The following HDLBP variants were observed in gnomAD, a reference collection of about 807,000 sequenced individuals.
HDLBP encodes the protein vigilin.
HDLBP carries 30 observed loss-of-function variants against 137.3 expected under a neutral mutation model. That is an observed-to-expected ratio of 0.22 (90% CI 0.16 to 0.30). The LOEUF is 0.30. Ranked by LOEUF, HDLBP falls within the 10% of genes least tolerant of loss-of-function variation. The pLI is 1.00. For missense variants in HDLBP, 1,119 were observed against 1,667.3 expected, an observed-to-expected ratio of 0.67 and a Z score of 5.73; for synonymous variants, 606 against 596.0, an observed-to-expected ratio of 1.02 and a Z score of -0.24.
Position 241,272,853 on chromosome 2 carries a change from G to T in HDLBP, c.-102-4312C>A, listed in dbSNP as rs923056846. 3.3e-6 allele frequency: 1 copy of T among 306,286 alleles called. No individual in the cohort carries two copies. The highest frequency in any genetic ancestry group is 2.3e-5 in the African/African-American group (1 of 44,104). 19.0% of individuals were successfully genotyped at this position (306,286 alleles called of 1,614,324 possible). A position where few individuals can be genotyped will look rare whatever the true frequency, so the allele number is the denominator to read the frequency against. ...CTCCGAGGCGCGGCGCCCGGGCCCC[G>T]GCTGCTATATAGGGCGGCGGCCCAA... On this transcript the variant is annotated intron_variant, in intron 1 of 27. Coordinates refer to ENST00000310931, the MANE Select transcript of HDLBP (RefSeq NM_005336.6). This position sits in a 1 kb window ranked among gnomAD's most constrained non-coding sequence, Gnocchi z 5.6.
chr2:241,237,759 A>T (rs1354634712), intron 20 of HDLBP, among the ~76,000 whole-genome samples: 1 of 152,246 alleles, frequency 6.6e-6, no homozygotes, highest in East Asian at 1.9e-4. Flanking sequence ...TGAGAAAAGA[A>T]ACTGGTGCCA....
rs529016379 is a variant in HDLBP at position 241,293,235 on chromosome 2, A to G, written c.-103+22335T>C. Among the ~76,000 whole-genome samples the G allele has an allele frequency of 8.5e-5, 13 of 152,236 alleles. No individual in the cohort carries two copies. The East Asian group carries it at 2.5e-3, about 29-fold the overall frequency. ...ACCAGGTGCAGTGTCTCAAACCTGTAATCTCAGCACTTTAGGATCACTTAA... is the reference window on the plus strand; with the variant it reads ...ACCAGGTGCAGTGTCTCAAACCTGTGATCTCAGCACTTTAGGATCACTTAA... On this transcript the variant is annotated intron_variant, in intron 1 of 27. Coordinates refer to ENST00000310931, the MANE Select transcript of HDLBP (RefSeq NM_005336.6).
Position 241,238,527 on chromosome 2 carries a change from G to T in HDLBP, c.2749+122C>A. ...GACCCTGAACCTCTGGAAGCCCCCA[G>T]AATACATAGATGGTTTTCCAGCAGA... On this transcript the variant is annotated intron_variant, in intron 20 of 27. Coordinates refer to ENST00000310931, the MANE Select transcript of HDLBP (RefSeq NM_005336.6). This position sits in a 1 kb window ranked among gnomAD's most constrained non-coding sequence, Gnocchi z 4.9. 1.3e-6 allele frequency: 1 copy of T among 783,838 alleles called. No homozygotes were observed. The highest frequency in any genetic ancestry group is 1.9e-6 in the Non-Finnish European group (1 of 520,452). The allele number at this position is 783,838 out of a possible 1,614,324, so 48.6% of individuals were successfully genotyped here.
chr2:241,303,166 C>A (rs569798594), intron 1 of HDLBP, among the ~76,000 whole-genome samples: 1 of 152,222 alleles, frequency 6.6e-6, no homozygotes, highest in Admixed American at 6.5e-5. Flanking sequence ...AGCATTTGGT[C>A]CAGCCAGCCA....
chr2:241,245,447 G>A (rs1271939603), intron 16 of HDLBP, among the ~76,000 whole-genome samples: 2 of 152,114 alleles, frequency 1.3e-5, no homozygotes, highest in African/African-American at 2.4e-5. Context: ...CCAAAGTGCT[G>A]GGATTAGTAG....
At position 241,228,173 on chromosome 2, in the gene HDLBP, T is replaced by G; in HGVS notation, c.*1428A>C. On this transcript the variant is annotated 3_prime_UTR_variant, in exon 28 of 28. Transcript: ENST00000310931. ...GGGCTGTGAGATGGATGGGCGTGAGTCAGCTTTTCCAAAACTCAAGTACCT... is the reference window on the plus strand; with the variant it reads ...GGGCTGTGAGATGGATGGGCGTGAGGCAGCTTTTCCAAAACTCAAGTACCT... The G allele has an allele frequency of 6.6e-6, 1 of 152,204 alleles. No individual in the cohort carries two copies. 9.4% of individuals were successfully genotyped at this position (152,204 alleles called of 1,614,324 possible).
chr2:241,247,145 T>TA lies in HDLBP; in HGVS notation c.1732-4dup. On this transcript the variant is annotated splice_polypyrimidine_tract_variant and splice_region_variant and intron_variant, in intron 14 of 27. Coordinates refer to ENST00000310931, the MANE Select transcript of HDLBP (RefSeq NM_005336.6). ...GAAATTGAATAGCTATTTTCCACCT[T>TA]AAAGACAAAAAACACAGCCCGATTC... 3 of 1,598,528 alleles carry TA rather than the reference T, an allele frequency of 1.9e-6. No individual in the cohort carries two copies. The highest frequency in any genetic ancestry group is 2.6e-6 in the Non-Finnish European group (3 of 1,165,858).
chr2:241,264,364 A>AC (rs2073481387), intron 4 of HDLBP, 84 bp downstream of exon 4: 1 of 1,019,080 alleles, frequency 9.8e-7, no homozygotes, highest in South Asian at 1.7e-5. Flanking sequence ...TCTGTCTCAA[A>AC]AAAAAAAAAA....
chr2:241,253,637 A>G (rs1296191003), intron 9 of HDLBP, 140 bp from the exon 10 acceptor site: 1 of 643,404 alleles, frequency 1.6e-6, no homozygotes, highest in Non-Finnish European at 2.8e-6. Flanking sequence ...GGACATATCC[A>G]CAGCCATCAA....
At chr2:241,294,425 T>C (rs2075108548) in intron 1 of HDLBP, among the ~76,000 whole-genome samples, 1 of 152,340 alleles carries the variant, frequency 6.6e-6, no homozygotes, top group Admixed American at 6.5e-5. Context: ...TTAATCATTA[T>C]AGACTATTCT....
intron 5 of HDLBP, among the ~76,000 whole-genome samples, chr2:241,257,051 A>G (rs1285896915): frequency 1.3e-5 from 2 of 152,222 alleles, no homozygotes; most frequent in Non-Finnish European, 2.9e-5. Context: ...ATACACCCAC[A>G]AAGGGAGACA....
At chr2:241,286,246 G>A (rs1483785238) in intron 1 of HDLBP, among the ~76,000 whole-genome samples, 12 of 152,106 alleles carry the variant, frequency 7.9e-5, no homozygotes, top group Non-Finnish European at 2.9e-5. Context: ...TTGAGCCCAG[G>A]AGTTCAAAAC....
intron 12 of HDLBP, chr2:241,249,380 T>C (rs774901960): frequency 2.1e-6 from 1 of 472,342 alleles, no homozygotes; most frequent in Non-Finnish European, 4.4e-6. Context: ...GCTCACAGCT[T>C]GGCATAAGCA....
chr2:241,262,650 G>A (rs1214219986), intron 5 of HDLBP, 61 bp downstream of exon 5: 4 of 1,315,854 alleles, frequency 3.0e-6, no homozygotes, highest in Non-Finnish European at 4.4e-6. Flanking sequence ...GCCTGCATCA[G>A]GAGCCGGGTA....
At position 241,255,059 on chromosome 2, in the gene HDLBP, T is replaced by G. The variant is rs1200856333; in HGVS notation, c.1180A>C (p.Met394Leu). The part of the protein sequence containing the change: ...GQNLAKITQQ[M>L]PKVHIEFTEG... ...GAAAAACGTGTCCTTACCTTTGGCA[T>G]CTGCTGAGTGATTTTGGCCAGGTTC... The change falls in exon 9 of 28, where the codon ATG becomes CTG. Residue 394 changes from methionine to leucine, a missense_variant. This residue lies in a region of HDLBP where 425 missense variants were observed against 693.9 expected (regional missense o/e 0.61). Transcript: ENST00000310931. 6.2e-7 allele frequency: 1 copy of G among 1,610,920 alleles called. No homozygotes were observed. Among genetic ancestry groups the G allele is most frequent in the South Asian group, 1.1e-5 (1 of 91,010 alleles).
At chr2:241,277,275 A>G (rs2074424027) in intron 1 of HDLBP, among the ~76,000 whole-genome samples, 1 of 152,154 alleles carries the variant, frequency 6.6e-6, no homozygotes, top group Non-Finnish European at 1.5e-5. Context: ...CTAATCATCC[A>G]CTACTGAAAC....
chr2:241,265,903 T>C (rs2073629919), intron 3 of HDLBP, among the ~76,000 whole-genome samples: 1 of 152,166 alleles, frequency 6.6e-6, no homozygotes, highest in African/African-American at 2.4e-5. Flanking sequence ...CAAAGCAGCT[T>C]CTCGGGTTCC....
chr2:241,264,636 C>T, intron 3 of HDLBP, 31 bp from the exon 4 acceptor site: 1 of 1,601,670 alleles, frequency 6.2e-7, no homozygotes, highest in Non-Finnish European at 8.5e-7. Context: ...TAAAAGGAAG[C>T]ACTACTTTTA....
intron 5 of HDLBP, 141 bp downstream of exon 5, chr2:241,262,570 C>CT (rs1400995869): frequency 8.0e-6 from 5 of 622,972 alleles, no homozygotes; most frequent in Non-Finnish European, 1.4e-5. Context: ...CCAGAGGACT[C>CT]TGAATGTTGC....
Sources: allele counts gnomAD v4.1 joint callset (sites outside exome capture counted in the v4.1 genomes callset), GRCh38; gene constraint gnomAD v4.1.1; regional missense constraint gnomAD v4.1.1; non-coding constraint Gnocchi (gnomAD v3.1); transcripts MANE v1.5; gene names NCBI Gene and HGNC (gene_info 2026-07-23, HGNC 2026-07-21).